The following CDH4 variants were observed in gnomAD, a reference collection of about 807,000 sequenced individuals.
CDH4 encodes cadherin 4, also known as cadherin-4.
A neutral mutation model predicts 86.0 loss-of-function variants in CDH4; 33 were observed. The ratio of observed to expected loss-of-function variants is 0.38; its 90% CI spans 0.29 to 0.51. CDH4 has a LOEUF of 0.51. CDH4 is among the 20% of genes least tolerant of loss of function. CDH4 has a pLI of 0.86. For missense variants in CDH4, 1,114 were observed against 1,307.4 expected, an observed-to-expected ratio of 0.85 and a Z score of 2.28; for synonymous variants, 555 against 549.4, an observed-to-expected ratio of 1.01 and a Z score of -0.14.
intron 7 of CDH4, among the ~76,000 whole-genome samples, chr20:61,882,966 C>T (rs1381722202): frequency 1.3e-5 from 2 of 152,226 alleles, no homozygotes; most frequent in African/African-American, 4.8e-5. Context: ...TGCGCATCTC[C>T]TGCTCTGTCC....
intron 4 of CDH4, 27 bp from the exon 5 acceptor site, chr20:61,844,641 T>A: frequency 1.3e-6 from 2 of 1,595,792 alleles, no homozygotes; most frequent in Non-Finnish European, 1.7e-6. Context: ...CAGGATAACC[T>A]CTTCTCGCTT....
intron 2 of CDH4, among the ~76,000 whole-genome samples, chr20:61,680,460 G>A (rs1177217743): frequency 6.6e-6 from 1 of 152,190 alleles, no homozygotes; most frequent in Admixed American, 6.5e-5. Flanking sequence ...GGGAGAGTGA[G>A]AAACAAGACG....
At chr20:61,841,636 C>T (rs935916950) in intron 4 of CDH4, among the ~76,000 whole-genome samples, 1 of 152,070 alleles carries the variant, frequency 6.6e-6, no homozygotes, top group African/African-American at 2.4e-5. Context: ...TTGGTGTGTG[C>T]GGCTCAGGGC....
At chr20:61,752,343 A>G (rs2088508115) in intron 3 of CDH4, among the ~76,000 whole-genome samples, 1 of 151,956 alleles carries the variant, frequency 6.6e-6, no homozygotes, top group Non-Finnish European at 1.5e-5. Flanking sequence ...AAAAAAAAAA[A>G]AAAAAAAGAA....
intron 2 of CDH4, among the ~76,000 whole-genome samples, chr20:61,503,085 C>T (rs2085716351): frequency 6.6e-6 from 1 of 152,226 alleles, no homozygotes; most frequent in African/African-American, 2.4e-5. Context: ...CTGGGTACTC[C>T]TCCCAGCAAG....
At chr20:61,713,534 C>T (rs1295705906) in intron 2 of CDH4, among the ~76,000 whole-genome samples, 1 of 152,206 alleles carries the variant, frequency 6.6e-6, no homozygotes, top group Admixed American at 6.5e-5. Context: ...CTCCCCAGGA[C>T]GGAGAGCCGT....
intron 4 of CDH4, among the ~76,000 whole-genome samples, chr20:61,832,073 G>A (rs1981647251): frequency 6.6e-6 from 1 of 152,236 alleles, no homozygotes; most frequent in African/African-American, 2.4e-5. Context: ...CCTGGTAGAT[G>A]TACCCATTCC....
intron 4 of CDH4, among the ~76,000 whole-genome samples, chr20:61,831,868 G>A (rs1020808823): frequency 2.6e-5 from 4 of 152,380 alleles, no homozygotes; most frequent in South Asian, 4.1e-4. Flanking sequence ...CACAGAGGCC[G>A]AGAGGCTCAT....
At chr20:61,588,895 C>T (rs2086497790) in intron 2 of CDH4, among the ~76,000 whole-genome samples, 1 of 152,186 alleles carries the variant, frequency 6.6e-6, no homozygotes, top group Non-Finnish European at 1.5e-5. Flanking sequence ...GGGCTGAGAC[C>T]TCGTCCTGTT....
intron 4 of CDH4, among the ~76,000 whole-genome samples, chr20:61,803,574 T>G (rs1278711433): frequency 1.3e-5 from 2 of 152,218 alleles, no homozygotes; most frequent in African/African-American, 4.8e-5. Flanking sequence ...GAATCAGTTC[T>G]GCTACCGCGG....
chr20:61,804,628 C>T (rs973771825), intron 4 of CDH4, among the ~76,000 whole-genome samples: 3 of 152,220 alleles, frequency 2.0e-5, no homozygotes, highest in African/African-American at 4.8e-5. Flanking sequence ...GCCCAGCTCT[C>T]GCCTGGTGGG....
intron 2 of CDH4, among the ~76,000 whole-genome samples, chr20:61,669,496 G>A (rs1001767886): frequency 4.6e-5 from 7 of 152,176 alleles, no homozygotes; most frequent in Admixed American, 1.3e-4. Flanking sequence ...GGAGGCTGTC[G>A]ATTTAATTGG....
chr20:61,581,232 G>A lies in CDH4; in HGVS notation c.170-162331G>A, dbSNP rs566863503. 9.4e-4 allele frequency among the ~76,000 whole-genome samples: 143 copies of A among 152,294 alleles called. 1 individual carries two copies. The highest frequency in any genetic ancestry group is 3.4e-3 in the Middle Eastern group (1 of 294). On this transcript the variant is annotated intron_variant, in intron 2 of 15. Coordinates refer to ENST00000614565, the MANE Select transcript of CDH4 (RefSeq NM_001794.5). ...TCCAGGGATCCGTGCATGATGTCTC[G>A]CCATATGTATTAGTTTCCTGTGGCT... is the stretch of plus-strand genomic sequence containing the variant.
intron 4 of CDH4, among the ~76,000 whole-genome samples, chr20:61,795,525 C>T (rs573021040): frequency 6.6e-6 from 1 of 152,304 alleles, no homozygotes; most frequent in African/African-American, 2.4e-5. Context: ...ACGACACATA[C>T]GTTGTGCTTG....
At chr20:61,536,378 A>G (rs2085997232) in intron 2 of CDH4, among the ~76,000 whole-genome samples, 1 of 152,174 alleles carries the variant, frequency 6.6e-6, no homozygotes, top group Non-Finnish European at 1.5e-5. Context: ...GGCCGCACCC[A>G]AACAGAACAA....
At chr20:61,771,015 T>TTTC (rs1301864824) in intron 3 of CDH4, among the ~76,000 whole-genome samples, 2 of 126,670 alleles carry the variant, frequency 1.6e-5, no homozygotes, top group African/African-American at 5.4e-5. Flanking sequence ...TTTTTCTTTT[T>TTTC]TTTTTTTTTT....
chr20:61,844,736 C>G lies in CDH4; in HGVS notation c.645C>G (p.Pro215=), dbSNP rs1159954080. ...YSITGVGADQ[P]PMEVFSIDSM... ...TCACGGGAGTGGGCGCCGACCAGCC[C>G]CCCATGGAGGTCTTCAGCATTGACT... Residue 215 remains proline (P), a synonymous_variant, in exon 5 of 16, where the codon CCC becomes CCG. Coordinates refer to ENST00000614565, the MANE Select transcript of CDH4 (RefSeq NM_001794.5). The G allele has an allele frequency of 6.2e-7, 1 of 1,614,076 alleles. No homozygotes were observed. Among genetic ancestry groups the G allele is most frequent in the African/African-American group, 1.3e-5 (1 of 75,074 alleles).
intron 2 of CDH4, among the ~76,000 whole-genome samples, chr20:61,359,562 T>A (rs2084772808): frequency 6.6e-6 from 1 of 152,216 alleles, no homozygotes; most frequent in Admixed American, 6.5e-5. Context: ...CACAAAGTGA[T>A]ACATGAAGCA....
chr20:61,894,821 C>A, intron 7 of CDH4, 89 bp from the exon 8 acceptor site: 1 of 1,419,018 alleles, frequency 7.0e-7, no homozygotes, highest in Non-Finnish European at 9.6e-7. Context: ...GAACTCCGTT[C>A]CTGTAAACGG....
Sources: gnomAD v4.1 joint callset for allele counts (sites outside exome capture counted in the v4.1 genomes callset) on GRCh38, gnomAD v4.1.1 for gene constraint, MANE v1.5 for transcripts, NCBI Gene and HGNC (gene_info 2026-07-23, HGNC 2026-07-21) for gene names.